PCNT: variants seen among roughly 807,000 people sequenced by gnomAD.
PCNT encodes the protein kendrin.
A neutral mutation model predicts 380.4 loss-of-function variants in PCNT; 319 were observed. The ratio of observed to expected loss-of-function variants is 0.84; its 90% CI spans 0.77 to 0.92. The LOEUF (loss-of-function observed/expected upper bound fraction) is 0.92. PCNT is among the 40% of genes least tolerant of loss of function. PCNT has a pLI of 0.00. For missense variants in PCNT, 4,400 were observed against 4,255.3 expected (o/e 1.03, Z -0.95); for synonymous variants, 1,845 against 1,735.2 (o/e 1.06, Z -1.57).
At chr21:46,328,255 T>TG (rs1236395018) in intron 2 of PCNT, among the ~76,000 whole-genome samples, 4 of 42,594 alleles carry the variant, frequency 9.4e-5, no homozygotes, top group Non-Finnish European at 2.3e-4. Flanking sequence ...GGTTGGTGTG[T>TG]TTTTTTTTTT....
At chr21:46,386,951 T>C (rs2085859265) in intron 17 of PCNT, among the ~76,000 whole-genome samples, 1 of 152,064 alleles carries the variant, frequency 6.6e-6, no homozygotes, top group Non-Finnish European at 1.5e-5. Flanking sequence ...CTCCCATCTG[T>C]GTGTCCCCGC....
At position 46,427,770 on chromosome 21, in the gene PCNT, G is replaced by A; in HGVS notation, c.7469G>A (p.Arg2490Lys). 6.2e-7 allele frequency: 1 copy of A among 1,613,660 alleles called. No homozygotes were observed. Among genetic ancestry groups the A allele is most frequent in the Non-Finnish European group, 8.5e-7 (1 of 1,180,022 alleles). Residue 2490 changes from arginine to lysine, a missense_variant, in exon 34 of 47, where the codon AGG (arginine) becomes AAG (lysine). Arg to Lys is a conservative substitution (Grantham distance 26). Transcript: ENST00000359568. ...DLGGHSSLLE[R>K]LEKIIREQGD... Reference sequence around the variant, plus strand: ...GGGGGTCACAGCTCCCTGCTCGAAAGGCTGGAGAAGATCATCCGTGAGCAG... The same window carrying A: ...GGGGGTCACAGCTCCCTGCTCGAAAAGCTGGAGAAGATCATCCGTGAGCAG...
In PCNT at chr21:46,359,538, G is replaced by A. The variant is rs146368847; in HGVS notation, c.2154+2347G>A. Among the ~76,000 whole-genome samples the A allele has an allele frequency of 4.3e-5, 5 of 115,288 alleles. No individual in the cohort carries two copies. The East Asian group carries it at 1.2e-3, about 29-fold the overall frequency. 75.6% of individuals were successfully genotyped at this position (115,288 alleles called of 152,430 possible). A position where few individuals can be genotyped will look rare whatever the true frequency, so the allele number is the denominator to read the frequency against. On this transcript the variant is annotated intron_variant, in intron 13 of 46. Transcript: ENST00000359568. Reference sequence around the variant, plus strand: ...AGTGTCTCACTCTATCGCCAGGGTGGAGTGTAGAGGCGTGATCTTGGCTCA... The same window carrying A: ...AGTGTCTCACTCTATCGCCAGGGTGAAGTGTAGAGGCGTGATCTTGGCTCA...
At chr21:46,355,260 CGGGTGTG>C in intron 11 of PCNT, among the ~76,000 whole-genome samples, 185 bp from the exon 12 acceptor site, 1 of 152,318 alleles carries the variant, frequency 6.6e-6, no homozygotes, top group South Asian at 2.1e-4. Flanking sequence ...GACTGAGAGA[CGGGTGTG>C]GGCGGGAGAG....
At chr21:46,397,590 G>A in intron 22 of PCNT, 96 bp downstream of exon 22, 2 of 1,062,432 alleles carry the variant, frequency 1.9e-6, no homozygotes, top group South Asian at 2.7e-5. Context: ...TCTGCAGTAG[G>A]ATGTTGAAGA....
chr21:46,346,300 T>G, intron 4 of PCNT, 92 bp downstream of exon 4: 1 of 668,740 alleles, frequency 1.5e-6, no homozygotes. Context: ...GGGTGGGCGC[T>G]GCCATCTCCT....
intron 11 of PCNT, among the ~76,000 whole-genome samples, 193 bp downstream of exon 11, chr21:46,354,261 G>T (rs866469814): frequency 6.6e-6 from 1 of 152,208 alleles, no homozygotes; most frequent in Middle Eastern, 3.2e-3. Flanking sequence ...ATCAGGAAAG[G>T]GGGTGGCCGG....
At chr21:46,414,390 C>G (rs1298117942) in intron 29 of PCNT, among the ~76,000 whole-genome samples, 1 of 151,812 alleles carries the variant, frequency 6.6e-6, no homozygotes, top group African/African-American at 2.4e-5. Flanking sequence ...CCTTCTCCTC[C>G]TTCTCCTCTG....
At chr21:46,328,641 A>C (rs1479230531) in intron 2 of PCNT, among the ~76,000 whole-genome samples, 2 of 150,622 alleles carry the variant, frequency 1.3e-5, no homozygotes, top group Non-Finnish European at 3.0e-5. Context: ...TTGTATTTTT[A>C]GTAGAGACAG....
Position 46,398,000 on chromosome 21 carries a change from G to C in PCNT, c.4447-14G>C, listed in dbSNP as rs1467937285. The C allele has an allele frequency of 7.0e-6, 11 of 1,567,844 alleles. No homozygotes were observed. The highest frequency in any genetic ancestry group is 2.7e-5 in the African/African-American group (2 of 73,958). On this transcript the variant is annotated splice_polypyrimidine_tract_variant and intron_variant, in intron 22 of 46. Coordinates refer to ENST00000359568, the MANE Select transcript of PCNT (RefSeq NM_006031.6). ...CCCGTTGGGGTGGTCCCAACACGCT[G>C]CCTCTCCTCCCAGGAGCAGGCAGCC...
chr21:46,410,739 G>C (rs1477736425), intron 27 of PCNT, among the ~76,000 whole-genome samples: 1 of 152,196 alleles, frequency 6.6e-6, no homozygotes, highest in African/African-American at 2.4e-5. Context: ...AGCAGTGTTG[G>C]GATGGAAGGG....
intron 9 of PCNT, among the ~76,000 whole-genome samples, chr21:46,352,256 G>A (rs1258616099): frequency 6.6e-6 from 1 of 152,230 alleles, no homozygotes; most frequent in Non-Finnish European, 1.5e-5. Flanking sequence ...AGAAAGAACT[G>A]GAGACACTGC....
chr21:46,437,411 G>A (rs867091336), intron 40 of PCNT, among the ~76,000 whole-genome samples: 16 of 152,322 alleles, frequency 1.1e-4, no homozygotes, highest in Middle Eastern at 3.4e-3. Context: ...CATGCTGCTC[G>A]CTGTGCATGA....
intron 32 of PCNT, among the ~76,000 whole-genome samples, chr21:46,422,634 C>G (rs1230021380): frequency 2.0e-5 from 3 of 152,222 alleles, no homozygotes; most frequent in Admixed American, 2.0e-4. Flanking sequence ...AAACCATTGA[C>G]AAAAACTTGG....
intron 12 of PCNT, among the ~76,000 whole-genome samples, chr21:46,356,459 C>T (rs567854516): frequency 6.6e-6 from 1 of 152,376 alleles, no homozygotes; most frequent in Admixed American, 6.5e-5. Context: ...GCACCTAGTC[C>T]CTTCTGCTTT....
Position 46,363,769 on chromosome 21 carries a change from C to CGGAGCAGCAGGGCCGCCT in PCNT, c.2446_2463dup (p.Glu816_Leu821dup). The CGGAGCAGCAGGGCCGCCT allele has an allele frequency of 6.2e-7, 1 of 1,614,056 alleles. No homozygotes were observed. Among genetic ancestry groups the CGGAGCAGCAGGGCCGCCT allele is most frequent in the Non-Finnish European group, 8.5e-7 (1 of 1,179,958 alleles). On this transcript the variant is annotated inframe_insertion, in exon 14 of 47. Coordinates refer to ENST00000359568, the MANE Select transcript of PCNT (RefSeq NM_006031.6). ...ATCCTGGATCTGGAGAGGTCCTTGA[C>CGGAGCAGCAGGGCCGCCT]GGAGCAGCAGGGCCGCCTGCAGCAG...
chr21:46,324,566 G>T (rs1325792719), intron 1 of PCNT, among the ~76,000 whole-genome samples: 1 of 119,108 alleles, frequency 8.4e-6, no homozygotes, highest in Non-Finnish European at 1.8e-5. Context: ...CCTGCGTCGG[G>T]GGGGGTGGGG....
chr21:46,349,803 A>C lies in PCNT; in HGVS notation c.1327A>C (p.Lys443Gln), dbSNP rs749963067. 6.2e-7 allele frequency: 1 copy of C among 1,614,206 alleles called. No individual in the cohort carries two copies. The highest frequency in any genetic ancestry group is 8.5e-7 in the Non-Finnish European group (1 of 1,180,006). ...GGAGTTCAAGTTCAAAGAGAGCGAG[A>C]AAGAAAAACAGCTGGAGGTGGGCAG... ...DLEFKFKESE[K>Q]EKQLELENLQ... Residue 443 changes from lysine (K) to glutamine (Q), a missense_variant, in exon 8 of 47, where the codon AAA becomes CAA. Transcript: ENST00000359568.
In PCNT at chr21:46,435,904, C is replaced by G; in HGVS notation, c.8752C>G (p.Arg2918Gly). The change falls in exon 39 of 47, where the codon CGA (arginine) becomes GGA (glycine). Residue 2918 changes from arginine to glycine, a missense_variant and splice_region_variant. Physicochemically the swap from Arg to Gly is moderately radical, Grantham distance 125 (BLOSUM62 -2). Coordinates refer to ENST00000359568, the MANE Select transcript of PCNT (RefSeq NM_006031.6). ...TCTGTCTTTTTTCTGTTAACAACAGCGAGAATTAGAACTGCAGCGTCAGCG... is the reference window on the plus strand; with the variant it reads ...TCTGTCTTTTTTCTGTTAACAACAGGGAGAATTAGAACTGCAGCGTCAGCG... ...RKWQRDKEKL[R>G]ELELQRQRDL... 6.2e-7 allele frequency: 1 copy of G among 1,614,110 alleles called. No individual in the cohort carries two copies. The highest frequency in any genetic ancestry group is 8.5e-7 in the Non-Finnish European group (1 of 1,179,988).
Sources: allele counts gnomAD v4.1 joint callset (sites outside exome capture counted in the v4.1 genomes callset), GRCh38; gene constraint gnomAD v4.1.1; transcripts MANE v1.5; gene names NCBI Gene and HGNC (gene_info 2026-07-23, HGNC 2026-07-21).